The following GRIK2 variants were observed in gnomAD, a reference collection of about 807,000 sequenced individuals.
GRIK2 encodes the protein glutamate receptor ionotropic, kainate 2.
In GRIK2, 32 loss-of-function variants were observed where a neutral mutation model predicts 100.3. That is an observed-to-expected ratio of 0.32 (90% CI 0.24 to 0.43). The LOEUF (loss-of-function observed/expected upper bound fraction) is 0.43, where lower values mean the gene tolerates loss of function less well. Ranked by LOEUF, GRIK2 falls within the 20% of genes least tolerant of loss-of-function variation. The pLI is 1.00. For synonymous variants in GRIK2, 417 were observed against 389.4 expected (o/e 1.07, Z -0.83); for missense variants, 843 against 1,114.9 (o/e 0.76, Z 3.47).
chr6:101,457,955 A>G (rs1173232897), intron 2 of GRIK2, among the ~76,000 whole-genome samples: 2 of 152,174 alleles, frequency 1.3e-5, no homozygotes, highest in Non-Finnish European at 2.9e-5. Context: ...ATAAAATATT[A>G]TATTTAGACT....
At chr6:101,970,762 A>G (rs1792998976) in intron 14 of GRIK2, among the ~76,000 whole-genome samples, 1 of 150,916 alleles carries the variant, frequency 6.6e-6, no homozygotes, top group Non-Finnish European at 1.5e-5. Flanking sequence ...TTGGTCCTCA[A>G]TTTCATCTAA....
chr6:101,813,096 G>C (rs1781435029), intron 9 of GRIK2, among the ~76,000 whole-genome samples: 1 of 151,544 alleles, frequency 6.6e-6, no homozygotes, highest in Non-Finnish European at 1.5e-5. Flanking sequence ...ACTATATATA[G>C]AGATACATGC....
intron 14 of GRIK2, among the ~76,000 whole-genome samples, chr6:101,959,368 T>C (rs1308718436): frequency 6.6e-6 from 1 of 152,174 alleles, no homozygotes; most frequent in Non-Finnish European, 1.5e-5. Context: ...CTAGTTTGTA[T>C]GCCTAGTGAT....
chr6:102,007,702 G>A (rs971578687), intron 14 of GRIK2, among the ~76,000 whole-genome samples: 4 of 152,024 alleles, frequency 2.6e-5, no homozygotes, highest in Non-Finnish European at 5.9e-5. Context: ...GTAAAAAAGG[G>A]TAATGCCATT....
At chr6:101,907,131 A>G (rs1788286215) in intron 12 of GRIK2, among the ~76,000 whole-genome samples, 2 of 151,732 alleles carry the variant, frequency 1.3e-5, no homozygotes, top group South Asian at 2.1e-4. Flanking sequence ...ACAACATGTT[A>G]AGGAATATAT....
intron 10 of GRIK2, among the ~76,000 whole-genome samples, chr6:101,846,118 ATTTG>A (rs1335213014): frequency 6.6e-6 from 1 of 151,650 alleles, no homozygotes; most frequent in Non-Finnish European, 1.5e-5. Flanking sequence ...TTGTCTTTTC[ATTTG>A]TTTGACAATG....
At chr6:101,604,425 A>C (rs1039886210) in intron 2 of GRIK2, among the ~76,000 whole-genome samples, 2 of 151,878 alleles carry the variant, frequency 1.3e-5, no homozygotes, top group African/African-American at 2.4e-5. Context: ...TTGGGAGCCT[A>C]ATTTAATACA....
chr6:101,728,324 A>G (rs1016539365), intron 7 of GRIK2, among the ~76,000 whole-genome samples: 2 of 152,106 alleles, frequency 1.3e-5, no homozygotes, highest in Non-Finnish European at 2.9e-5. Context: ...TATGTGCTAA[A>G]TAAAACATGT....
chr6:101,955,599 TC>T (rs1479697068), intron 14 of GRIK2, among the ~76,000 whole-genome samples: 3 of 101,816 alleles, frequency 2.9e-5, no homozygotes, highest in African/African-American at 9.1e-5. Context: ...TCTCTCTCTC[TC>T]TCTCTCTCTC....
chr6:101,715,069 CA>C (rs201258054), intron 7 of GRIK2, among the ~76,000 whole-genome samples: 95 of 149,168 alleles, frequency 6.4e-4, no homozygotes, highest in Middle Eastern at 6.9e-3. Context: ...TAAAATACCA[CA>C]AAAAAAAATA....
At chr6:102,043,705 G>A (rs1052991462) in intron 15 of GRIK2, among the ~76,000 whole-genome samples, 1 of 123,530 alleles carries the variant, frequency 8.1e-6, no homozygotes, top group Non-Finnish European at 1.8e-5. Flanking sequence ...TGTGAAAAGT[G>A]CTGCAATGAG....
chr6:101,729,276 GT>G (rs1206095906), intron 7 of GRIK2, among the ~76,000 whole-genome samples: 1 of 151,892 alleles, frequency 6.6e-6, no homozygotes, highest in Non-Finnish European at 1.5e-5. Flanking sequence ...AGAGAAGTAT[GT>G]TTTCTCCTCT....
intron 2 of GRIK2, among the ~76,000 whole-genome samples, chr6:101,616,327 T>C (rs189871140): frequency 1.3e-5 from 2 of 151,954 alleles, no homozygotes; most frequent in Admixed American, 6.6e-5. Flanking sequence ...CATATTTCCA[T>C]TGTTAGCTAT....
At chr6:101,755,240 C>CA (rs1245074098) in intron 7 of GRIK2, among the ~76,000 whole-genome samples, 1 of 140,422 alleles carries the variant, frequency 7.1e-6, no homozygotes, top group African/African-American at 2.6e-5. Context: ...GATCTCGACT[C>CA]ACTGCAAGCT....
At chr6:101,909,650 T>A (rs1017200182) in intron 12 of GRIK2, among the ~76,000 whole-genome samples, 1 of 147,016 alleles carries the variant, frequency 6.8e-6, no homozygotes, top group Non-Finnish European at 1.5e-5. Context: ...GAAAAAAGCA[T>A]CCTTGGGAAA....
chr6:101,952,526 TATATACCATGTAATTC>T (rs1451929456), intron 14 of GRIK2, among the ~76,000 whole-genome samples: 1 of 152,222 alleles, frequency 6.6e-6, no homozygotes, highest in East Asian at 1.9e-4. Context: ...AGATGTAATT[TATATACCATGTAATTC>T]ACCTGTTTAA....
At chr6:101,708,175 C>T (rs530397709) in intron 7 of GRIK2, among the ~76,000 whole-genome samples, 50 of 151,620 alleles carry the variant, frequency 3.3e-4, no homozygotes, top group African/African-American at 8.9e-4. Flanking sequence ...TCTTTTATTC[C>T]GTATTTAACA....
intron 2 of GRIK2, among the ~76,000 whole-genome samples, chr6:101,412,664 A>G (rs553022280): frequency 3.3e-5 from 5 of 152,122 alleles, no homozygotes; most frequent in African/African-American, 1.2e-4. Flanking sequence ...TGATTTAGCA[A>G]TTGAGAGCAT....
At chr6:101,455,526 T>G (rs1770955391) in intron 2 of GRIK2, among the ~76,000 whole-genome samples, 1 of 152,046 alleles carries the variant, frequency 6.6e-6, no homozygotes, top group Non-Finnish European at 1.5e-5. Flanking sequence ...TTATTAATAG[T>G]GTTATAGGAG....
Sources: gnomAD v4.1 joint callset for allele counts (sites outside exome capture counted in the v4.1 genomes callset) on GRCh38, gnomAD v4.1.1 for gene constraint, MANE v1.5 for transcripts, NCBI Gene and HGNC (gene_info 2026-07-23, HGNC 2026-07-21) for gene names.